Variants in LYPD6B observed in about 807,000 individuals in gnomAD.
LYPD6B encodes the protein ly6/PLAUR domain-containing protein 6B.
LYPD6B carries 17 observed loss-of-function variants against 22.8 expected under a neutral mutation model. The observed-to-expected ratio is 0.75, with a 90% CI of 0.51 to 1.12. The LOEUF is 1.12. LYPD6B is among the 50% of genes most tolerant of loss of function. The pLI, the probability that LYPD6B is intolerant of heterozygous loss-of-function variation, is 0.00. For synonymous variants in LYPD6B, 106 were observed against 91.6 expected (o/e 1.16, Z -0.90); for missense variants, 221 against 258.3 (o/e 0.86, Z 0.99).
intron 3 of LYPD6B, among the ~76,000 whole-genome samples, chr2:149,200,466 C>T (rs1029195852): frequency 3.3e-5 from 5 of 152,044 alleles, no homozygotes; most frequent in Non-Finnish European, 5.9e-5. Flanking sequence ...TGGCTCTATT[C>T]CATAAAGTAT....
chr2:149,052,153 T>C (rs1019562364), intron 1 of LYPD6B, among the ~76,000 whole-genome samples: 2 of 151,894 alleles, frequency 1.3e-5, no homozygotes, highest in Admixed American at 1.3e-4. Context: ...GCCTCCTGGG[T>C]TCAAGTGATT....
chr2:149,166,959 G>A (rs1559046471), intron 3 of LYPD6B, among the ~76,000 whole-genome samples: 1 of 151,926 alleles, frequency 6.6e-6, no homozygotes, highest in Non-Finnish European at 1.5e-5. Context: ...GACATCCTAG[G>A]GTTATTTTCC....
At chr2:149,100,244 C>T (rs1686128073) in intron 1 of LYPD6B, among the ~76,000 whole-genome samples, 1 of 151,888 alleles carries the variant, frequency 6.6e-6, no homozygotes, top group Non-Finnish European at 1.5e-5. Flanking sequence ...ACTCAGTGTT[C>T]AAAGCAGTCA....
intron 1 of LYPD6B, among the ~76,000 whole-genome samples, chr2:149,042,038 G>T (rs566635954): frequency 2.0e-5 from 3 of 152,252 alleles, no homozygotes; most frequent in African/African-American, 7.2e-5. Flanking sequence ...TACCTTCCCC[G>T]GAAACTCCCT....
intron 1 of LYPD6B, among the ~76,000 whole-genome samples, chr2:149,117,969 C>T (rs141169878): frequency 6.6e-6 from 1 of 152,162 alleles, no homozygotes; most frequent in Non-Finnish European, 1.5e-5. Flanking sequence ...GGATTTATTT[C>T]TAAGCTGGCA....
In LYPD6B at chr2:149,214,778, A is replaced by G; in HGVS notation, c.*68A>G. ...CAAGCCAAAAACTGTGTGAACGGTG[A>G]ACTTTGGAGTGAAGATCAATCTTGC... On this transcript the variant is annotated 3_prime_UTR_variant, in exon 7 of 7. Coordinates refer to ENST00000409642, the MANE Select transcript of LYPD6B (RefSeq NM_177964.5). 2 of 1,511,698 alleles carry G rather than the reference A, an allele frequency of 1.3e-6. No homozygotes were observed. The highest frequency in any genetic ancestry group is 1.8e-6 in the Non-Finnish European group (2 of 1,090,302). 93.6% of individuals were successfully genotyped at this position (1,511,698 alleles called of 1,614,324 possible).
intron 5 of LYPD6B, among the ~76,000 whole-genome samples, chr2:149,212,506 C>T (rs1194619681): frequency 6.6e-6 from 1 of 151,620 alleles, no homozygotes; most frequent in Admixed American, 6.6e-5. Flanking sequence ...TGCTTTTCAC[C>T]CCAGCTCACC....
At chr2:149,163,790 A>G (rs1303315443) in intron 3 of LYPD6B, among the ~76,000 whole-genome samples, 1 of 152,118 alleles carries the variant, frequency 6.6e-6, no homozygotes, top group Non-Finnish European at 1.5e-5. Flanking sequence ...TTGTTTTGGG[A>G]AGGGAAGACT....
At chr2:149,130,080 C>T (rs537270959) in intron 1 of LYPD6B, among the ~76,000 whole-genome samples, 8 of 152,286 alleles carry the variant, frequency 5.3e-5, no homozygotes, top group East Asian at 1.9e-4. Context: ...TTGACCAGAA[C>T]GCTGAACGGC....
intron 1 of LYPD6B, among the ~76,000 whole-genome samples, chr2:149,091,059 C>T (rs1202674166): frequency 6.6e-6 from 1 of 152,134 alleles, no homozygotes; most frequent in Non-Finnish European, 1.5e-5. Context: ...GTAGGTCTCA[C>T]TTCTTGATGT....
chr2:149,105,183 T>G (rs1057505785), intron 1 of LYPD6B, among the ~76,000 whole-genome samples: 4 of 152,192 alleles, frequency 2.6e-5, no homozygotes, highest in Admixed American at 2.0e-4. Flanking sequence ...ATATGTCTAT[T>G]TCTTGACCCT....
chr2:149,208,541 G>A (rs1346701791), intron 5 of LYPD6B, 129 bp downstream of exon 5: 1 of 690,378 alleles, frequency 1.4e-6, no homozygotes, highest in African/African-American at 1.8e-5. Context: ...TATATTGAGA[G>A]TTCTTGGAAA....
intron 1 of LYPD6B, among the ~76,000 whole-genome samples, chr2:149,085,364 C>A (rs930828507): frequency 1.3e-5 from 2 of 152,218 alleles, no homozygotes; most frequent in African/African-American, 4.8e-5. Context: ...TTTCACCCTG[C>A]GTTGGTGGCA....
chr2:149,173,011 T>G (rs984016006), intron 3 of LYPD6B, among the ~76,000 whole-genome samples: 24 of 151,904 alleles, frequency 1.6e-4, no homozygotes, highest in African/African-American at 5.8e-4. Flanking sequence ...CTTATATATA[T>G]GTGTGTGTAC....
intron 2 of LYPD6B, among the ~76,000 whole-genome samples, chr2:149,145,917 C>T (rs1559030772): frequency 6.6e-6 from 1 of 152,106 alleles, no homozygotes; most frequent in East Asian, 1.9e-4. Flanking sequence ...AAACAACAGG[C>T]AACAGTTGGG....
intron 1 of LYPD6B, among the ~76,000 whole-genome samples, chr2:149,072,095 C>A (rs1345013824): frequency 2.0e-5 from 3 of 152,144 alleles, no homozygotes; most frequent in Non-Finnish European, 4.4e-5. Flanking sequence ...CTACACCTGG[C>A]TAATTTTTGT....
intron 3 of LYPD6B, chr2:149,204,989 TG>T (rs1311427269): frequency 8.5e-6 from 3 of 351,330 alleles, no homozygotes. Context: ...CAGCTCTGCC[TG>T]CTTGTCCTTC....
intron 3 of LYPD6B, among the ~76,000 whole-genome samples, chr2:149,173,198 A>G (rs901347029): frequency 1.3e-5 from 2 of 151,626 alleles, no homozygotes; most frequent in African/African-American, 4.8e-5. Context: ...TTAAAAAAAG[A>G]CATGGTGTTT....
intron 3 of LYPD6B, among the ~76,000 whole-genome samples, chr2:149,195,976 TCTCCCCATTATACTAGGCAGCATTTACA>T (rs1209607996): frequency 6.6e-6 from 1 of 152,178 alleles, no homozygotes; most frequent in African/African-American, 2.4e-5. Flanking sequence ...GAGGCCGGTT[TCTCCCCATTATACTAGGCAGCATTTACA>T]CTTGACTTTA....
Sources: gnomAD v4.1 joint callset for allele counts (sites outside exome capture counted in the v4.1 genomes callset) on GRCh38, gnomAD v4.1.1 for gene constraint, MANE v1.5 for transcripts, NCBI Gene and HGNC (gene_info 2026-07-23, HGNC 2026-07-21) for gene names.